The following CALCR variants were observed in gnomAD, a reference collection of about 807,000 sequenced individuals.
CALCR encodes the protein calcitonin receptor.
A neutral mutation model predicts 59.5 loss-of-function variants in CALCR; 47 were observed. The observed-to-expected ratio is 0.79, with a 90% CI of 0.63 to 1.01. CALCR has a LOEUF of 1.01. CALCR is among the 50% of genes least tolerant of loss of function. The pLI, the probability that CALCR is intolerant of heterozygous loss-of-function variation, is 0.00. For synonymous variants in CALCR, 213 were observed against 211.3 expected, an observed-to-expected ratio of 1.01 and a Z score of -0.07; for missense variants, 566 against 597.1, an observed-to-expected ratio of 0.95 and a Z score of 0.54.
chr7:93,505,745 G>A (rs1465599948), intron 2 of CALCR, among the ~76,000 whole-genome samples: 1 of 152,032 alleles, frequency 6.6e-6, no homozygotes, highest in African/African-American at 2.4e-5. Context: ...AAAATCACGC[G>A]CACACACTTC....
chr7:93,506,226 G>T (rs1253509590), intron 2 of CALCR, among the ~76,000 whole-genome samples: 2 of 152,158 alleles, frequency 1.3e-5, no homozygotes, highest in South Asian at 2.1e-4. Context: ...GCTTCACTAG[G>T]TTTCTGGCTT....
At chr7:93,484,032 TCAG>T in intron 3 of CALCR, 2 of 514,714 alleles carry the variant, frequency 3.9e-6, no homozygotes, top group Non-Finnish European at 8.1e-6. Context: ...ACAGCAGTAG[TCAG>T]CAGCCCAAAC....
chr7:93,437,027 T>C (rs957459036), intron 11 of CALCR, among the ~76,000 whole-genome samples: 1 of 33,016 alleles, frequency 3.0e-5, no homozygotes, highest in Non-Finnish European at 6.0e-5. Context: ...TTGTTGAATC[T>C]TTTTTTTTAG....
chr7:93,492,144 A>G (rs1209182630), intron 2 of CALCR, among the ~76,000 whole-genome samples: 2 of 151,592 alleles, frequency 1.3e-5, no homozygotes, highest in African/African-American at 4.8e-5. Context: ...CTAACACAGG[A>G]ACAGAAAACC....
intron 8 of CALCR, 67 bp downstream of exon 8, chr7:93,460,754 A>T (rs935776235): frequency 8.5e-7 from 1 of 1,172,034 alleles, no homozygotes; most frequent in African/African-American, 1.6e-5. Flanking sequence ...CATGAACACC[A>T]TGTTCACTAT....
At chr7:93,432,703 C>T (rs1013906854) in intron 13 of CALCR, among the ~76,000 whole-genome samples, 4 of 152,096 alleles carry the variant, frequency 2.6e-5, no homozygotes, top group African/African-American at 9.7e-5. Flanking sequence ...CGAATGCATG[C>T]AATCCTCTTG....
intron 2 of CALCR, among the ~76,000 whole-genome samples, chr7:93,554,197 T>G (rs569668446): frequency 2.6e-4 from 40 of 152,284 alleles, no homozygotes; most frequent in African/African-American, 9.6e-4. Flanking sequence ...TATGAGAAGT[T>G]GTACATTTTT....
At chr7:93,429,256 C>T (rs1799597852) in intron 13 of CALCR, among the ~76,000 whole-genome samples, 1 of 152,096 alleles carries the variant, frequency 6.6e-6, no homozygotes, top group Admixed American at 6.5e-5. Flanking sequence ...TACAATATCA[C>T]AGGTTGAGTC....
chr7:93,500,658 C>T (rs551318528), intron 2 of CALCR, among the ~76,000 whole-genome samples: 89 of 152,078 alleles, frequency 5.9e-4, no homozygotes, highest in Non-Finnish European at 1.1e-3. Context: ...TTTATAAATT[C>T]ACTCATCAAA....
chr7:93,502,983 C>T (rs1033127168), intron 2 of CALCR, among the ~76,000 whole-genome samples: 25 of 151,984 alleles, frequency 1.6e-4, no homozygotes, highest in Admixed American at 1.2e-3. Context: ...CAATAGCCTT[C>T]GCATGTAGAT....
chr7:93,511,006 A>G (rs909840795), intron 2 of CALCR, among the ~76,000 whole-genome samples: 6 of 152,170 alleles, frequency 3.9e-5, no homozygotes, highest in Non-Finnish European at 7.3e-5. Flanking sequence ...AAGACTTCAT[A>G]GAGAAGGTGA....
intron 2 of CALCR, among the ~76,000 whole-genome samples, chr7:93,565,087 T>C (rs1235495945): frequency 1.3e-5 from 2 of 152,226 alleles, no homozygotes; most frequent in African/African-American, 4.8e-5. Flanking sequence ...CATCTATAAG[T>C]ACATTAATGC....
At chr7:93,473,580 GCC>G (rs368362442) in intron 5 of CALCR, among the ~76,000 whole-genome samples, 17,056 of 139,562 alleles carry the variant, frequency 0.12, 2,613 homozygotes, top group African/African-American at 0.32. Context: ...CACTGGTTTG[GCC>G]CCCCCCCCTT....
intron 2 of CALCR, among the ~76,000 whole-genome samples, chr7:93,556,382 AC>A (rs1238151909): frequency 1.3e-5 from 2 of 152,198 alleles, no homozygotes; most frequent in Admixed American, 6.6e-5. Flanking sequence ...AATGTCTTTC[AC>A]TTTTTCATTA....
chr7:93,472,479 T>C lies in CALCR; in HGVS notation c.325A>G (p.Thr109Ala), dbSNP rs1800575272. Reference sequence around the variant, plus strand: ...ACACCTTTTTCATCACAGTATTTTGTAACCTTTTCTGTTAATGAAACATAA... The same window carrying C: ...ACACCTTTTTCATCACAGTATTTTGCAACCTTTTCTGTTAATGAAACATAA... ...FPDFDPSEKV[T>A]KYCDEKGVWF... The change falls in exon 6 of 14, where the codon ACA (threonine) becomes GCA (alanine). Residue 109 changes from threonine (T) to alanine (A), a missense_variant. Thr to Ala is a moderately conservative substitution (Grantham distance 58). Coordinates refer to ENST00000426151, the MANE Select transcript of CALCR (RefSeq NM_001742.4). 3 of 1,579,948 alleles carry C rather than the reference T, an allele frequency of 1.9e-6. No homozygotes were observed. The highest frequency in any genetic ancestry group is 2.6e-6 in the Non-Finnish European group (3 of 1,150,630).
At chr7:93,564,615 G>T (rs1321499872) in intron 2 of CALCR, among the ~76,000 whole-genome samples, 1 of 151,992 alleles carries the variant, frequency 6.6e-6, no homozygotes, top group East Asian at 1.9e-4. Context: ...ACTACCCTCA[G>T]CTAATTTTTT....
At position 93,487,535 on chromosome 7, in the gene CALCR, A is replaced by C. The variant is rs143394076; in HGVS notation, c.-26-528T>G. On this transcript the variant is annotated intron_variant, in intron 2 of 13. Transcript: ENST00000426151. ...AAGCTTCAAGTTGCTAGTAAGAACAAATTTCTTCCATAGCAATGATTGAGC... is the reference window on the plus strand; with the variant it reads ...AAGCTTCAAGTTGCTAGTAAGAACACATTTCTTCCATAGCAATGATTGAGC... 1.7e-3 allele frequency among the ~76,000 whole-genome samples: 264 copies of C among 151,550 alleles called. 1 individual carries two copies. The highest frequency in any genetic ancestry group is 6.1e-3 in the African/African-American group (255 of 41,466).
intron 2 of CALCR, among the ~76,000 whole-genome samples, chr7:93,506,147 G>A (rs1421738233): frequency 8.5e-5 from 13 of 152,128 alleles, no homozygotes. Context: ...CTCTCTGTGT[G>A]TGTCTGTGTC....
intron 2 of CALCR, among the ~76,000 whole-genome samples, chr7:93,515,926 T>C (rs1480428332): frequency 1.3e-5 from 2 of 151,998 alleles, no homozygotes; most frequent in Non-Finnish European, 2.9e-5. Context: ...AAAATCTATG[T>C]ATAAATGGAT....
Sources: allele counts gnomAD v4.1 joint callset (sites outside exome capture counted in the v4.1 genomes callset), GRCh38; gene constraint gnomAD v4.1.1; transcripts MANE v1.5; gene names NCBI Gene and HGNC (gene_info 2026-07-23, HGNC 2026-07-21).